Variants in ARHGAP5 observed in about 807,000 individuals in gnomAD.
ARHGAP5 encodes the protein Rho GTPase activating protein 5.
In ARHGAP5, 23 loss-of-function variants were observed where a neutral mutation model predicts 116.6. The ratio of observed to expected loss-of-function variants is 0.20; its 90% CI spans 0.14 to 0.28. ARHGAP5 has a LOEUF of 0.28. ARHGAP5 is among the 10% of genes least tolerant of loss of function. The pLI is 1.00. For missense variants in ARHGAP5, 1,405 were observed against 1,774.8 expected (o/e 0.79, Z 3.74); for synonymous variants, 574 against 602.0 (o/e 0.95, Z 0.68).
chr14:32,157,782 T>G lies in ARHGAP5; in HGVS notation c.*2834T>G, dbSNP rs1261477522. On this transcript the variant is annotated 3_prime_UTR_variant, in exon 7 of 7. Transcript: ENST00000345122. ...CAAAAAGCAGCTTTTTTTCCCATAC[T>G]GTATGTAAATAATGTAGACCTGGGT... The G allele has an allele frequency of 6.6e-6, 1 of 151,358 alleles. No homozygotes were observed. The highest frequency in any genetic ancestry group is 2.4e-5 in the African/African-American group (1 of 41,374). 9.4% of individuals were successfully genotyped at this position (151,358 alleles called of 1,614,324 possible).
chr14:32,116,362 G>A (rs1054327165), intron 2 of ARHGAP5, among the ~76,000 whole-genome samples: 4 of 151,838 alleles, frequency 2.6e-5, no homozygotes, highest in African/African-American at 2.4e-5. Context: ...AGGCCGAGGC[G>A]GGTGGATCAC....
chr14:32,082,225 T>C (rs2041784255), intron 1 of ARHGAP5, among the ~76,000 whole-genome samples: 1 of 152,190 alleles, frequency 6.6e-6, no homozygotes, highest in Non-Finnish European at 1.5e-5. Flanking sequence ...ATTTCTACTC[T>C]TCTGTATTAA....
At chr14:32,106,102 T>C (rs1289405379) in intron 2 of ARHGAP5, among the ~76,000 whole-genome samples, 1 of 152,158 alleles carries the variant, frequency 6.6e-6, no homozygotes. Context: ...CCAAACTGTT[T>C]TCCAGAATGG....
intron 2 of ARHGAP5, among the ~76,000 whole-genome samples, chr14:32,101,013 G>A (rs1279447192): frequency 1.3e-5 from 2 of 152,028 alleles, no homozygotes; most frequent in Non-Finnish European, 1.5e-5. Flanking sequence ...AAAATACTTG[G>A]TGAATTTTAT....
intron 2 of ARHGAP5, among the ~76,000 whole-genome samples, chr14:32,102,314 C>T (rs1267853776): frequency 1.3e-5 from 2 of 152,180 alleles, no homozygotes; most frequent in African/African-American, 4.8e-5. Context: ...TGAGTTAGGT[C>T]CTGCACCTGT....
chr14:32,077,985 C>G (rs557450866), intron 1 of ARHGAP5, among the ~76,000 whole-genome samples: 2 of 152,162 alleles, frequency 1.3e-5, no homozygotes, highest in East Asian at 1.9e-4. Flanking sequence ...GTTCTCTTCA[C>G]CAATTTTCCA....
At chr14:32,101,683 T>G (rs182896696) in intron 2 of ARHGAP5, among the ~76,000 whole-genome samples, 2 of 150,424 alleles carry the variant, frequency 1.3e-5, no homozygotes, top group Admixed American at 6.6e-5. Flanking sequence ...TGTAAAAAGC[T>G]TACTATATAG....
chr14:32,119,499 T>C (rs1451805295), intron 3 of ARHGAP5, among the ~76,000 whole-genome samples: 3 of 152,252 alleles, frequency 2.0e-5, no homozygotes, highest in South Asian at 4.1e-4. Flanking sequence ...TAAAATTTGC[T>C]AGTTTGAATC....
intron 3 of ARHGAP5, among the ~76,000 whole-genome samples, chr14:32,140,521 C>A (rs528080905): frequency 6.6e-6 from 1 of 151,946 alleles, no homozygotes; most frequent in African/African-American, 2.4e-5. Flanking sequence ...ACCCAGGAGG[C>A]GGAGCTTGCA....
At chr14:32,115,842 G>A (rs1255364378) in intron 2 of ARHGAP5, among the ~76,000 whole-genome samples, 1 of 150,834 alleles carries the variant, frequency 6.6e-6, no homozygotes, top group Non-Finnish European at 1.5e-5. Context: ...GCTGGGCTTG[G>A]TGGTGCATGT....
intron 1 of ARHGAP5, among the ~76,000 whole-genome samples, chr14:32,077,779 C>G (rs1386662360): frequency 1.3e-5 from 2 of 151,978 alleles, no homozygotes; most frequent in Non-Finnish European, 1.5e-5. Context: ...CTCACTTGCT[C>G]GAGTCTCGGG....
At chr14:32,138,320 T>C (rs1255085202) in intron 3 of ARHGAP5, among the ~76,000 whole-genome samples, 1 of 152,260 alleles carries the variant, frequency 6.6e-6, no homozygotes, top group African/African-American at 2.4e-5. Flanking sequence ...AGTCTCACTC[T>C]GTTGCCCAGG....
At chr14:32,146,195 G>A in intron 3 of ARHGAP5, 68 bp from the exon 4 acceptor site, 1 of 1,175,378 alleles carries the variant, frequency 8.5e-7, no homozygotes, top group Non-Finnish European at 1.2e-6. Flanking sequence ...ACAAACATGA[G>A]CCACTGTGCC....
chr14:32,090,227 G>C (rs765475775), intron 1 of ARHGAP5, among the ~76,000 whole-genome samples: 6 of 151,868 alleles, frequency 4.0e-5, no homozygotes, highest in Non-Finnish European at 2.9e-5. Context: ...ATAGGAAGGG[G>C]TAATTAGAGG....
Position 32,150,018 on chromosome 14 carries a change from C to G in ARHGAP5, c.4060C>G (p.Leu1354Val). 9 of 1,593,874 alleles carry G rather than the reference C, an allele frequency of 5.6e-6. No individual in the cohort carries two copies. Among genetic ancestry groups the G allele is most frequent in the Non-Finnish European group, 7.7e-6 (9 of 1,172,516 alleles). ...AATTCCATATTCTCTTCATCCAGAA[C>G]TATTGGAAGCAGCAAGTAAGTATAA... ...PLIPYSLHPE[L>V]LEAAKIPDKT... Residue 1354 changes from leucine to valine, a missense_variant, in exon 5 of 7, where the codon CTA (leucine) becomes GTA (valine). Leu to Val is a conservative substitution (Grantham distance 32). Coordinates refer to ENST00000345122, the MANE Select transcript of ARHGAP5 (RefSeq NM_001030055.2).
Position 32,156,780 on chromosome 14 carries a change from C to A in ARHGAP5, c.*1832C>A, listed in dbSNP as rs1313064193. 1 of 152,252 alleles carries A rather than the reference C, an allele frequency of 6.6e-6. No homozygotes were observed. Among genetic ancestry groups the A allele is most frequent in the Non-Finnish European group, 1.5e-5 (1 of 67,790 alleles). 9.4% of individuals were successfully genotyped at this position (152,252 alleles called of 1,614,324 possible). ...ACTTTAAGAGTTTTATAAACTGTTTCTAGGTTGCTAAAGAATTTATTTTTC... is the reference window on the plus strand; with the variant it reads ...ACTTTAAGAGTTTTATAAACTGTTTATAGGTTGCTAAAGAATTTATTTTTC... On this transcript the variant is annotated 3_prime_UTR_variant, in exon 7 of 7. Transcript: ENST00000345122.
intron 3 of ARHGAP5, among the ~76,000 whole-genome samples, chr14:32,120,607 C>CTTT (rs772226735): frequency 7.3e-6 from 1 of 137,406 alleles, no homozygotes; most frequent in South Asian, 2.3e-4. Context: ...TTGTAATTTC[C>CTTT]TTTTTTTTTT....
In ARHGAP5 at chr14:32,153,043, TTTTTTTTG is replaced by T. The variant is rs368130374; in HGVS notation, c.4181+523_4181+530del. Among the ~76,000 whole-genome samples the T allele has an allele frequency of 9.3e-4, 84 of 90,184 alleles. No homozygotes were observed. In the South Asian group the frequency reaches 0.012, roughly 13 times the overall value. The allele number at this position is 90,184 out of a possible 152,430, so 59.2% of individuals were successfully genotyped here. On this transcript the variant is annotated intron_variant, in intron 6 of 6. Coordinates refer to ENST00000345122, the MANE Select transcript of ARHGAP5 (RefSeq NM_001030055.2). ...ACTGGCATTTTAATGAACTGTATGG[TTTTTTTTG>T]TTTTTTTTTTTTTTTAAACTAATAG...
intron 2 of ARHGAP5, among the ~76,000 whole-genome samples, chr14:32,100,476 G>T (rs1335530368): frequency 2.6e-5 from 4 of 152,180 alleles, no homozygotes; most frequent in African/African-American, 9.7e-5. Context: ...AGGACTACGT[G>T]TGTGTGCCAC....
Sources: gnomAD v4.1 joint callset for allele counts (sites outside exome capture counted in the v4.1 genomes callset) on GRCh38, gnomAD v4.1.1 for gene constraint, MANE v1.5 for transcripts, NCBI Gene and HGNC (gene_info 2026-07-23, HGNC 2026-07-21) for gene names.